RBFOX3: variants seen among roughly 807,000 people sequenced by gnomAD.
RBFOX3 encodes RNA binding protein fox-1 homolog 3.
RBFOX3 carries 17 observed loss-of-function variants against 48.7 expected under a neutral mutation model. The observed-to-expected ratio is 0.35, with a 90% CI of 0.24 to 0.52. RBFOX3 has a LOEUF of 0.52. Ranked by LOEUF, RBFOX3 falls within the 20% of genes least tolerant of loss-of-function variation. The pLI, the probability that RBFOX3 is intolerant of heterozygous loss-of-function variation, is 0.94. For synonymous variants in RBFOX3, 212 were observed against 209.5 expected (o/e 1.01, Z -0.10); for missense variants, 382 against 497.5 (o/e 0.77, Z 2.21).
chr17:79,372,976 C>T (rs1424326257), intron 2 of RBFOX3, among the ~76,000 whole-genome samples: 1 of 152,144 alleles, frequency 6.6e-6, no homozygotes, highest in Non-Finnish European at 1.5e-5. Flanking sequence ...GGAACAAGGG[C>T]CAGCAATTAG....
intron 1 of RBFOX3, among the ~76,000 whole-genome samples, chr17:79,541,795 T>C (rs1415746255): frequency 6.6e-6 from 1 of 152,182 alleles, no homozygotes; most frequent in Admixed American, 6.5e-5. Flanking sequence ...CAGTAACCTT[T>C]CTTCATCTCA....
the RBFOX3 span, among the ~76,000 whole-genome samples, chr17:79,642,356 T>A: frequency 6.6e-6 from 1 of 152,182 alleles, no homozygotes; most frequent in Non-Finnish European, 1.5e-5. Context: ...TTTAAGTATC[T>A]TCACCACAAC....
rs2064773185 is a variant in RBFOX3 at position 79,413,279 on chromosome 17, C to A, written c.-175+69175G>T. Among the ~76,000 whole-genome samples, 6 of 152,336 alleles carry A rather than the reference C, an allele frequency of 3.9e-5. No homozygotes were observed. In the South Asian group the frequency reaches 1.2e-3, roughly 32 times the overall value. On this transcript the variant is annotated intron_variant, in intron 2 of 14. Coordinates refer to ENST00000693108, the MANE Select transcript of RBFOX3 (RefSeq NM_001350451.2). ...AACTGCTCTGGTTACAAAGGCTGCA[C>A]TTTCTCAATTTCCGTGACTTAGACT... is the stretch of plus-strand genomic sequence containing the variant.
intron 4 of RBFOX3, among the ~76,000 whole-genome samples, chr17:79,189,662 C>A (rs777208217): frequency 2.6e-5 from 4 of 152,224 alleles, no homozygotes; most frequent in Non-Finnish European, 4.4e-5. Context: ...AGCCCTCCCT[C>A]AGCGTTCCTA....
intron 1 of RBFOX3, among the ~76,000 whole-genome samples, chr17:79,529,386 T>C (rs1427090601): frequency 6.6e-6 from 1 of 152,208 alleles, no homozygotes; most frequent in Non-Finnish European, 1.5e-5. Flanking sequence ...TAGGGAGAAC[T>C]GTCCCTTCTA....
chr17:79,251,228 G>A (rs1486657718), intron 3 of RBFOX3, among the ~76,000 whole-genome samples: 1 of 152,056 alleles, frequency 6.6e-6, no homozygotes, highest in African/African-American at 2.4e-5. Context: ...CCACCACCAG[G>A]AACTCCTGCA....
At chr17:79,407,100 T>C (rs1249293477) in intron 2 of RBFOX3, among the ~76,000 whole-genome samples, 1 of 152,206 alleles carries the variant, frequency 6.6e-6, no homozygotes, top group Non-Finnish European at 1.5e-5. Context: ...CTCTGCCTCC[T>C]GGGTTCAAGC....
chr17:79,328,656 A>G (rs972099828), intron 2 of RBFOX3, among the ~76,000 whole-genome samples: 1 of 151,888 alleles, frequency 6.6e-6, no homozygotes, highest in African/African-American at 2.4e-5. Flanking sequence ...TCTTGACAAG[A>G]CCCTCATGTT....
At chr17:79,586,743 T>C (rs2093262318) in intron 1 of RBFOX3, among the ~76,000 whole-genome samples, 3 of 152,222 alleles carry the variant, frequency 2.0e-5, no homozygotes, top group Non-Finnish European at 2.9e-5. Context: ...AAGCATCCTC[T>C]CCCGGGTTTC....
chr17:79,229,558 CAAAAAAAAAAAA>C (rs11435725), intron 4 of RBFOX3, among the ~76,000 whole-genome samples: 5 of 50,680 alleles, frequency 9.9e-5, no homozygotes, highest in African/African-American at 4.0e-4. Flanking sequence ...GACTCCATCT[CAAAAAAAAAAAA>C]AAAAAAAAAA....
intron 3 of RBFOX3, among the ~76,000 whole-genome samples, chr17:79,245,454 A>T (rs565857686): frequency 8.5e-5 from 13 of 152,244 alleles, no homozygotes; most frequent in African/African-American, 3.1e-4. Context: ...TGCCCATAAT[A>T]TAAAGTGTAC....
chr17:79,156,133 G>A (rs888979074), intron 4 of RBFOX3, among the ~76,000 whole-genome samples: 2 of 152,212 alleles, frequency 1.3e-5, no homozygotes, highest in African/African-American at 4.8e-5. Flanking sequence ...AAAGGTCTTG[G>A]GAAGGAGGAT....
At chr17:79,533,643 G>T (rs2088213906) in intron 1 of RBFOX3, among the ~76,000 whole-genome samples, 1 of 152,242 alleles carries the variant, frequency 6.6e-6, no homozygotes, top group South Asian at 2.1e-4. Context: ...AGCTCTCAGG[G>T]TGTGGCCCCC....
intron 4 of RBFOX3, among the ~76,000 whole-genome samples, chr17:79,168,817 TC>T (rs2048543794): frequency 6.6e-6 from 1 of 151,864 alleles, no homozygotes; most frequent in Non-Finnish European, 1.5e-5. Flanking sequence ...CACCCTGTCT[TC>T]CCGCTGGGCT....
rs138658745 is a variant in RBFOX3 at position 79,253,217 on chromosome 17, C to T, written c.-73-17412G>A. ...TCCCTCAAGAGCTGCCAAAGCCAGA[C>T]GGGGCTCATCTTTCCCCCCACCTCA... On this transcript the variant is annotated intron_variant, in intron 3 of 14. Transcript: ENST00000693108. Among the ~76,000 whole-genome samples the T allele has an allele frequency of 7.5e-4, 114 of 152,320 alleles. No homozygotes were observed. The East Asian group carries it at 0.02, about 27-fold the overall frequency.
chr17:79,227,262 A>G (rs2060416129), intron 4 of RBFOX3, among the ~76,000 whole-genome samples: 1 of 152,222 alleles, frequency 6.6e-6, no homozygotes, highest in Non-Finnish European at 1.5e-5. Context: ...GGTCCAGCGA[A>G]GCAGCGAGCC....
intron 2 of RBFOX3, among the ~76,000 whole-genome samples, chr17:79,349,715 G>A (rs926885656): frequency 1.2e-4 from 19 of 152,026 alleles, no homozygotes; most frequent in African/African-American, 4.6e-4. Context: ...CCCAGCCCTG[G>A]AATACCGTCA....
intron 2 of RBFOX3, among the ~76,000 whole-genome samples, chr17:79,399,321 C>T (rs1341203633): frequency 1.3e-5 from 2 of 152,216 alleles, no homozygotes; most frequent in African/African-American, 4.8e-5. Flanking sequence ...ACCGAGGCAC[C>T]GGGAGGCAAA....
the RBFOX3 span, among the ~76,000 whole-genome samples, chr17:79,649,790 T>G: frequency 6.6e-6 from 1 of 152,188 alleles, no homozygotes; most frequent in Non-Finnish European, 1.5e-5. Context: ...GGAAGCATGA[T>G]GCTGGCATCT....
Sources: allele counts gnomAD v4.1 joint callset (sites outside exome capture counted in the v4.1 genomes callset), GRCh38; gene constraint gnomAD v4.1.1; transcripts MANE v1.5; gene names NCBI Gene and HGNC (gene_info 2026-07-23, HGNC 2026-07-21).